ZC2HC1B: variants seen among roughly 807,000 people sequenced by gnomAD.
The protein encoded by ZC2HC1B is zinc finger C2HC domain-containing protein 1B.
A neutral mutation model predicts 31.0 loss-of-function variants in ZC2HC1B; 36 were observed. That is an observed-to-expected ratio of 1.16 (90% CI 0.89 to 1.54). The LOEUF is 1.54. Ranked by LOEUF, ZC2HC1B falls within the 40% of genes most tolerant of loss-of-function variation. The probability of loss-of-function intolerance (pLI) is 0.00; values close to 1 mark genes in which losing one functional copy is unlikely to be tolerated. For synonymous variants in ZC2HC1B, 73 were observed against 88.0 expected, an observed-to-expected ratio of 0.83 and a Z score of 0.95; for missense variants, 260 against 268.6, an observed-to-expected ratio of 0.97 and a Z score of 0.22.
rs1387274352 is a variant in ZC2HC1B, at chr6:143,899,852, A to T, written c.489+1161A>T. On this transcript the variant is annotated intron_variant, in intron 5 of 7. Coordinates refer to ENST00000237275, the MANE Select transcript of ZC2HC1B (RefSeq NM_001013623.3). This position sits in a 1 kb window ranked among gnomAD's most constrained non-coding sequence, Gnocchi z 5.0. ...TGCGCTAGGTACTGGTTTGATCAAG[A>T]ATTTGTCATTGAAAGATGGAGGGGG... Among the ~76,000 whole-genome samples the T allele has an allele frequency of 1.3e-5, 2 of 152,218 alleles. No individual in the cohort carries two copies. The highest frequency in any genetic ancestry group is 2.9e-5 in the Non-Finnish European group (2 of 68,026).
Position 143,903,406 on chromosome 6 carries a change from G to A in ZC2HC1B, c.598+254G>A, listed in dbSNP as rs551191309. Among the ~76,000 whole-genome samples the A allele has an allele frequency of 2.6e-4, 40 of 152,184 alleles. No homozygotes were observed. Among genetic ancestry groups the A allele is most frequent in the Middle Eastern group, 3.4e-3 (1 of 294 alleles). On this transcript the variant is annotated intron_variant, in intron 6 of 7. Transcript: ENST00000237275. This position sits in a 1 kb window ranked among gnomAD's most constrained non-coding sequence, Gnocchi z 4.3. Reference sequence around the variant, plus strand: ...ATGGGAGTCTAAACCATTGTTCTCCGGTCTAGTAAAATTGAAGAGATTGAA... The same window carrying A: ...ATGGGAGTCTAAACCATTGTTCTCCAGTCTAGTAAAATTGAAGAGATTGAA...
intron 5 of ZC2HC1B, among the ~76,000 whole-genome samples, chr6:143,900,390 CAAA>C (rs200482247): frequency 3.6e-5 from 3 of 84,394 alleles, no homozygotes; most frequent in African/African-American, 4.8e-5. Flanking sequence ...AACTCCGTCT[CAAA>C]AAAAAAAAAA....
chr6:143,908,280 A>G lies in ZC2HC1B; in HGVS notation c.598+5128A>G, dbSNP rs1264237719. On this transcript the variant is annotated intron_variant, in intron 6 of 7. Coordinates refer to ENST00000237275, the MANE Select transcript of ZC2HC1B (RefSeq NM_001013623.3). The surrounding 1 kb of genome is among the most constrained non-coding windows in gnomAD (Gnocchi z 4.4). ...TTGGGCTCTGTTTTGATTTCATATG[A>G]ATTTTAAAATAGTTTTTTCTAATTC... Among the ~76,000 whole-genome samples the G allele has an allele frequency of 1.8e-5, 2 of 114,118 alleles. No individual in the cohort carries two copies. Among genetic ancestry groups the G allele is most frequent in the Non-Finnish European group, 3.6e-5 (2 of 55,150 alleles). 74.9% of individuals were successfully genotyped at this position (114,118 alleles called of 152,430 possible). A position where few individuals can be genotyped will look rare whatever the true frequency, so the allele number is the denominator to read the frequency against.
chr6:143,894,886 T>G (rs1385786685), intron 4 of ZC2HC1B, among the ~76,000 whole-genome samples: 2 of 152,236 alleles, frequency 1.3e-5, no homozygotes, highest in Non-Finnish European at 2.9e-5. Context: ...AACCGTGACT[T>G]GGATCTAAAA....
In ZC2HC1B at chr6:143,871,779, A is replaced by G. The variant is rs1582949608; in HGVS notation, c.28+7212A>G. Among the ~76,000 whole-genome samples, 1 of 152,240 alleles carries G rather than the reference A, an allele frequency of 6.6e-6. No homozygotes were observed. Among genetic ancestry groups the G allele is most frequent in the East Asian group, 1.9e-4 (1 of 5,178 alleles). ...TGGCTTCCATTTGGCCTTTCTCACC[A>G]TAATAATCCTCACCCGACCAATCAG... is the stretch of plus-strand genomic sequence containing the variant. On this transcript the variant is annotated intron_variant, in intron 1 of 7. Transcript: ENST00000237275. The surrounding 1 kb of genome is among the most constrained non-coding windows in gnomAD (Gnocchi z 4.1).
chr6:143,882,138 C>T (rs568691850), intron 1 of ZC2HC1B, among the ~76,000 whole-genome samples: 1 of 151,290 alleles, frequency 6.6e-6, no homozygotes, highest in Non-Finnish European at 1.5e-5. Flanking sequence ...TAGTACTAAC[C>T]CTGTCTTATA....
chr6:143,882,036 TC>T (rs1215644490), intron 1 of ZC2HC1B, among the ~76,000 whole-genome samples: 1 of 152,036 alleles, frequency 6.6e-6, no homozygotes, highest in Non-Finnish European at 1.5e-5. Context: ...GGAAAGAGAC[TC>T]AAATTCAAGT....
chr6:143,882,331 T>TTTTATATA (rs1777477524), intron 1 of ZC2HC1B, among the ~76,000 whole-genome samples: 2 of 96,380 alleles, frequency 2.1e-5, no homozygotes, highest in African/African-American at 9.9e-5. Flanking sequence ...TATTTTATAT[T>TTTTATATA]TTTTATATAT....
chr6:143,875,347 ATGCC>A (rs1777393093), intron 1 of ZC2HC1B, among the ~76,000 whole-genome samples: 1 of 136,992 alleles, frequency 7.3e-6, no homozygotes, highest in African/African-American at 2.7e-5. Flanking sequence ...CACCATCATT[ATGCC>A]TTTGGATCCC....
chr6:143,912,519 G>C (rs1385494305), intron 6 of ZC2HC1B, among the ~76,000 whole-genome samples: 1 of 152,150 alleles, frequency 6.6e-6, no homozygotes, highest in East Asian at 1.9e-4. Context: ...GCTAAGGTTT[G>C]CTGGGGGTCC....
intron 4 of ZC2HC1B, among the ~76,000 whole-genome samples, chr6:143,888,239 C>A (rs570944087): frequency 6.6e-6 from 1 of 152,060 alleles, no homozygotes; most frequent in African/African-American, 2.4e-5. Flanking sequence ...CCTGGGCTCT[C>A]TGTTCTATTC....
rs1422707662 is a variant in ZC2HC1B, at chr6:143,903,938, G to A, written c.598+786G>A. Among the ~76,000 whole-genome samples, 1 of 152,100 alleles carries A rather than the reference G, an allele frequency of 6.6e-6. No homozygotes were observed. Among genetic ancestry groups the A allele is most frequent in the Non-Finnish European group, 1.5e-5 (1 of 68,022 alleles). ...ATTTATTTTTAAATGTTCTCCATCT[G>A]TAGTTGTTAAATCTGCAGATGTGGA... On this transcript the variant is annotated intron_variant, in intron 6 of 7. Coordinates refer to ENST00000237275, the MANE Select transcript of ZC2HC1B (RefSeq NM_001013623.3). The surrounding 1 kb of genome is among the most constrained non-coding windows in gnomAD (Gnocchi z 4.3).
rs755568268 is a variant in ZC2HC1B, at chr6:143,868,678, C to T, written c.28+4111C>T. On this transcript the variant is annotated intron_variant, in intron 1 of 7. Transcript: ENST00000237275. The surrounding 1 kb of genome is among the most constrained non-coding windows in gnomAD (Gnocchi z 4.2). ...TCAGTATTAACCATCACAAGTCTAC[C>T]TCTTGTCAACTTCAACCCATACCCA... Among the ~76,000 whole-genome samples the T allele has an allele frequency of 5.3e-5, 8 of 152,138 alleles. No homozygotes were observed.
chr6:143,927,117 G>A (rs112468185), intron 6 of ZC2HC1B, among the ~76,000 whole-genome samples: 2,777 of 151,844 alleles, frequency 0.018, 72 homozygotes, highest in African/African-American at 0.056. Context: ...TCTTCTTACC[G>A]AACGAATCCC....
rs1394665880 is a variant in ZC2HC1B at position 143,871,518 on chromosome 6, TG to T, written c.28+6953del. Among the ~76,000 whole-genome samples, 11 of 152,210 alleles carry T rather than the reference TG, an allele frequency of 7.2e-5. No individual in the cohort carries two copies. In the South Asian group the frequency reaches 2.3e-3, roughly 32 times the overall value. ...TTGGCTCAAACAATGAAACCACATC[TG>T]GTACAGCAGCTGCAGTTGGAGTCAT... On this transcript the variant is annotated intron_variant, in intron 1 of 7. Transcript: ENST00000237275. This position sits in a 1 kb window ranked among gnomAD's most constrained non-coding sequence, Gnocchi z 4.1.
chr6:143,879,635 T>A (rs965083286), intron 1 of ZC2HC1B, among the ~76,000 whole-genome samples: 2 of 152,164 alleles, frequency 1.3e-5, no homozygotes, highest in Non-Finnish European at 2.9e-5. Context: ...TCTACCATGC[T>A]CCTTTAAGAA....
At chr6:143,925,623 G>A (rs1282687850) in intron 6 of ZC2HC1B, among the ~76,000 whole-genome samples, 2 of 145,790 alleles carry the variant, frequency 1.4e-5, no homozygotes, top group African/African-American at 2.5e-5. Context: ...CGCAACCTCC[G>A]CCTCCCGTGC....
chr6:143,869,618 G>A lies in ZC2HC1B; in HGVS notation c.28+5051G>A, dbSNP rs1260922389. On this transcript the variant is annotated intron_variant, in intron 1 of 7. Coordinates refer to ENST00000237275, the MANE Select transcript of ZC2HC1B (RefSeq NM_001013623.3). The surrounding 1 kb of genome is among the most constrained non-coding windows in gnomAD (Gnocchi z 5.2). Reference sequence around the variant, plus strand: ...AGGCAAACCCATATCCAGAGTGAGTGTTTATTCCAGTGAGGAGAAACCTCT... The same window carrying A: ...AGGCAAACCCATATCCAGAGTGAGTATTTATTCCAGTGAGGAGAAACCTCT... 6.6e-6 allele frequency among the ~76,000 whole-genome samples: 1 copy of A among 152,230 alleles called. No homozygotes were observed. The highest frequency in any genetic ancestry group is 2.4e-5 in the African/African-American group (1 of 41,464).
intron 1 of ZC2HC1B, among the ~76,000 whole-genome samples, chr6:143,880,007 G>A (rs1031132831): frequency 2.0e-5 from 3 of 151,602 alleles, no homozygotes; most frequent in African/African-American, 7.3e-5. Flanking sequence ...AAAATTTTTT[G>A]TAGAGATGAG....
Sources: allele counts gnomAD v4.1 joint callset (sites outside exome capture counted in the v4.1 genomes callset), GRCh38; gene constraint gnomAD v4.1.1; non-coding constraint Gnocchi (gnomAD v3.1); transcripts MANE v1.5; gene names NCBI Gene and HGNC (gene_info 2026-07-23, HGNC 2026-07-21).